Variants in DIP2C observed in about 807,000 individuals in gnomAD.
The protein encoded by DIP2C is disco-interacting protein 2 homolog C.
Under a neutral mutation model 192.4 loss-of-function variants are expected in DIP2C, and 33 were observed. The ratio of observed to expected loss-of-function variants is 0.17; its 90% CI spans 0.13 to 0.23. The LOEUF (loss-of-function observed/expected upper bound fraction) is 0.23. Among genes scored for constraint, DIP2C ranks in the 10% least tolerant of loss-of-function variants. The pLI, the probability that DIP2C is intolerant of heterozygous loss-of-function variation, is 1.00. For missense variants in DIP2C, 1,537 were observed against 2,110.1 expected (o/e 0.73, Z 5.32); for synonymous variants, 979 against 864.1 (o/e 1.13, Z -2.33).
intron 1 of DIP2C, among the ~76,000 whole-genome samples, chr10:564,636 C>T (rs563331243): frequency 2.0e-5 from 3 of 152,244 alleles, no homozygotes; most frequent in South Asian, 2.1e-4. Flanking sequence ...TTCCTCATCT[C>T]TAACATGAGG....
At chr10:376,772 C>T (rs187633131) in intron 17 of DIP2C, among the ~76,000 whole-genome samples, 79 of 152,178 alleles carry the variant, frequency 5.2e-4, no homozygotes, top group Admixed American at 2.6e-3. Flanking sequence ...ATTCACAGTA[C>T]TGGTAAAAAT....
chr10:383,962 C>G (rs568319506), intron 16 of DIP2C, 65 bp downstream of exon 16: 1 of 1,230,492 alleles, frequency 8.1e-7, no homozygotes, highest in African/African-American at 3.2e-5. Flanking sequence ...GCCTGCCTCA[C>G]GAAAAAAAAA....
chr10:621,665 C>T (rs1227603452), intron 1 of DIP2C, among the ~76,000 whole-genome samples: 3 of 152,212 alleles, frequency 2.0e-5, no homozygotes, highest in Non-Finnish European at 4.4e-5. Context: ...CCTGCCATCA[C>T]TCACCCTTCC....
intron 29 of DIP2C, among the ~76,000 whole-genome samples, chr10:332,519 T>C (rs968349792): frequency 6.6e-6 from 1 of 152,210 alleles, no homozygotes; most frequent in African/African-American, 2.4e-5. Context: ...TTTTGATTAA[T>C]TGCTGTATTA....
chr10:548,288 G>A (rs1231737935), intron 1 of DIP2C, among the ~76,000 whole-genome samples: 1 of 146,392 alleles, frequency 6.8e-6, no homozygotes, highest in Non-Finnish European at 1.5e-5. Flanking sequence ...GCCCTCTCTG[G>A]AGTTGTCGCC....
intron 1 of DIP2C, among the ~76,000 whole-genome samples, chr10:588,401 T>C (rs953243790): frequency 2.6e-5 from 4 of 152,212 alleles, no homozygotes; most frequent in Admixed American, 6.5e-5. Flanking sequence ...TCTTGTTAAA[T>C]TGGGAGATTC....
In DIP2C at chr10:608,787, T is replaced by C. The variant is rs555098641; in HGVS notation, c.85+80707A>G. Among the ~76,000 whole-genome samples the C allele has an allele frequency of 7.2e-4, 103 of 142,324 alleles. 3 individuals carry two copies. In the South Asian group the frequency reaches 0.024, roughly 33 times the overall value. The allele number at this position is 142,324 out of a possible 152,430, so 93.4% of individuals were successfully genotyped here. ...TTCTGGGCATTCGGAATAGACCTAA[T>C]GGGGGATAAACCTCTCCTCCAACCC... On this transcript the variant is annotated intron_variant, in intron 1 of 36. Coordinates refer to ENST00000280886, the MANE Select transcript of DIP2C (RefSeq NM_014974.3).
chr10:373,414 A>G (rs1961219055), intron 17 of DIP2C, among the ~76,000 whole-genome samples: 1 of 152,176 alleles, frequency 6.6e-6, no homozygotes, highest in African/African-American at 2.4e-5. Flanking sequence ...ATGTATACCA[A>G]TACATTGATT....
intron 1 of DIP2C, among the ~76,000 whole-genome samples, chr10:507,517 C>CG (rs1444280260): frequency 6.8e-6 from 1 of 146,560 alleles, no homozygotes; most frequent in Non-Finnish European, 1.5e-5. Context: ...GTTAGGGACC[C>CG]GGTCACCCGC....
intron 3 of DIP2C, among the ~76,000 whole-genome samples, chr10:465,750 A>G (rs1384506539): frequency 1.3e-5 from 2 of 151,768 alleles, no homozygotes; most frequent in African/African-American, 4.8e-5. Context: ...AACAGCAGAC[A>G]AACAGAGAGC....
At chr10:541,778 A>G (rs1848003840) in intron 1 of DIP2C, among the ~76,000 whole-genome samples, 1 of 150,892 alleles carries the variant, frequency 6.6e-6, no homozygotes, top group African/African-American at 2.4e-5. Context: ...CCACAGCGTG[A>G]CCCTTCACCT....
At chr10:579,306 T>C (rs747517334) in intron 1 of DIP2C, among the ~76,000 whole-genome samples, 11 of 151,860 alleles carry the variant, frequency 7.2e-5, no homozygotes, top group Non-Finnish European at 1.3e-4. Flanking sequence ...TGTACACACA[T>C]AGGTACACTA....
chr10:668,123 A>T (rs1187437091), intron 1 of DIP2C: 2 of 151,996 alleles, frequency 1.3e-5, no homozygotes, highest in Non-Finnish European at 2.9e-5. Flanking sequence ...GCACAACACA[A>T]CATACAACAT....
At position 432,283 on chromosome 10, in the gene DIP2C, A is replaced by G. The variant is rs140327014; in HGVS notation, c.394+8588T>C. 4.6e-5 allele frequency among the ~76,000 whole-genome samples: 7 copies of G among 152,306 alleles called. No homozygotes were observed. The East Asian group carries it at 1.3e-3, about 29-fold the overall frequency. ...AGAGAATTGGCATAATTTCTTTTAG[A>G]TGTTTGGTAGAATTCACCAATGAAC... On this transcript the variant is annotated intron_variant, in intron 4 of 36. Coordinates refer to ENST00000280886, the MANE Select transcript of DIP2C (RefSeq NM_014974.3).
chr10:594,969 C>T (rs1297590354), intron 1 of DIP2C, among the ~76,000 whole-genome samples: 1 of 152,220 alleles, frequency 6.6e-6, no homozygotes, highest in African/African-American at 2.4e-5. Context: ...GGAGACAGAA[C>T]ACGCCCTCAC....
At chr10:472,379 A>G in intron 3 of DIP2C, 60 bp downstream of exon 3, 1 of 1,511,116 alleles carries the variant, frequency 6.6e-7, no homozygotes, top group Non-Finnish European at 9.1e-7. Flanking sequence ...GGCTGGGCAC[A>G]GGCACCGTCC....
chr10:369,291 A>AT (rs571793527), intron 18 of DIP2C, among the ~76,000 whole-genome samples: 79 of 152,274 alleles, frequency 5.2e-4, no homozygotes, highest in African/African-American at 1.4e-3. Flanking sequence ...GCCCTTCCCC[A>AT]TCTTCTTGAT....
At chr10:657,833 A>T (rs1378788395) in intron 1 of DIP2C, among the ~76,000 whole-genome samples, 2 of 147,992 alleles carry the variant, frequency 1.4e-5, no homozygotes, top group African/African-American at 2.5e-5. Flanking sequence ...TTGACCCTGG[A>T]CCTGCCCCTG....
intron 31 of DIP2C, among the ~76,000 whole-genome samples, chr10:316,448 G>T (rs1373692823): frequency 3.9e-5 from 6 of 152,180 alleles, no homozygotes; most frequent in Non-Finnish European, 8.8e-5. Context: ...TCTCTCTTCA[G>T]TCTCACCCCC....
Sources: gnomAD v4.1 joint callset for allele counts (sites outside exome capture counted in the v4.1 genomes callset) on GRCh38, gnomAD v4.1.1 for gene constraint, MANE v1.5 for transcripts, NCBI Gene and HGNC (gene_info 2026-07-23, HGNC 2026-07-21) for gene names.